CDK14: variants seen among roughly 807,000 people sequenced by gnomAD.
The protein encoded by CDK14 is cyclin-dependent kinase 14.
A neutral mutation model predicts 60.7 loss-of-function variants in CDK14; 34 were observed. That is an observed-to-expected ratio of 0.56 (90% CI 0.43 to 0.75). The LOEUF is 0.75. Among genes scored for constraint, CDK14 ranks in the 30% least tolerant of loss-of-function variants. The pLI is 0.00. For synonymous variants in CDK14, 197 were observed against 203.7 expected (o/e 0.97, Z 0.28); for missense variants, 482 against 564.1 (o/e 0.85, Z 1.47).
At chr7:90,760,792 G>A (rs1804282963) in intron 4 of CDK14, among the ~76,000 whole-genome samples, 1 of 152,192 alleles carries the variant, frequency 6.6e-6, no homozygotes, top group Admixed American at 6.5e-5. Context: ...AGCTAACAGA[G>A]TAAATGCAGT....
intron 8 of CDK14, among the ~76,000 whole-genome samples, chr7:90,943,880 G>T (rs1007846936): frequency 6.6e-6 from 1 of 152,128 alleles, no homozygotes; most frequent in African/African-American, 2.4e-5. Context: ...TTGGAAATTT[G>T]GTCCCTAGTG....
intron 10 of CDK14, among the ~76,000 whole-genome samples, chr7:91,007,722 A>G (rs1796020249): frequency 6.6e-6 from 1 of 152,154 alleles, no homozygotes; most frequent in African/African-American, 2.4e-5. Flanking sequence ...GCTGTCAGTA[A>G]ACTGTTCTTT....
At chr7:90,936,038 T>C (rs1584142247) in intron 8 of CDK14, among the ~76,000 whole-genome samples, 1 of 146,516 alleles carries the variant, frequency 6.8e-6, no homozygotes, top group Admixed American at 6.9e-5. Context: ...CGAGACCCTG[T>C]CTTAAAAAAA....
intron 4 of CDK14, among the ~76,000 whole-genome samples, chr7:90,755,477 G>A (rs1804017715): frequency 1.3e-5 from 2 of 152,106 alleles, no homozygotes; most frequent in Non-Finnish European, 2.9e-5. Flanking sequence ...GGTTGCTAAG[G>A]AAGGGGGAAA....
At chr7:90,655,064 T>C (rs1800723634) in intron 2 of CDK14, among the ~76,000 whole-genome samples, 1 of 151,882 alleles carries the variant, frequency 6.6e-6, no homozygotes, top group Admixed American at 6.6e-5. Context: ...CCAGATGTTA[T>C]ATGGTTGAAG....
intron 10 of CDK14, among the ~76,000 whole-genome samples, chr7:91,005,505 AG>A (rs753675425): frequency 3.9e-5 from 6 of 152,218 alleles, no homozygotes; most frequent in Non-Finnish European, 8.8e-5. Flanking sequence ...AAAATTTCAA[AG>A]GCTTTATTTT....
At chr7:91,179,670 G>A (rs1392621390) in intron 14 of CDK14, among the ~76,000 whole-genome samples, 3 of 151,984 alleles carry the variant, frequency 2.0e-5, no homozygotes, top group African/African-American at 4.8e-5. Flanking sequence ...GGGCGTGGTG[G>A]CGGGCGCCTG....
chr7:90,687,849 C>T (rs1032603106), intron 2 of CDK14, among the ~76,000 whole-genome samples: 2 of 152,072 alleles, frequency 1.3e-5, no homozygotes, highest in Non-Finnish European at 2.9e-5. Flanking sequence ...CTGAGGTACC[C>T]TGATAAATAA....
intron 14 of CDK14, among the ~76,000 whole-genome samples, chr7:91,138,525 A>T (rs1800353135): frequency 6.6e-6 from 1 of 152,200 alleles, no homozygotes; most frequent in Non-Finnish European, 1.5e-5. Context: ...GACAGTCTCA[A>T]GGGTGAAAAA....
intron 5 of CDK14, among the ~76,000 whole-genome samples, chr7:90,805,712 T>A (rs2117019604): frequency 6.6e-6 from 1 of 152,226 alleles, no homozygotes; most frequent in Admixed American, 6.5e-5. Flanking sequence ...CACCCCAAAT[T>A]TCTCTATTGA....
intron 7 of CDK14, among the ~76,000 whole-genome samples, chr7:90,901,647 A>G (rs1240132796): frequency 6.7e-6 from 1 of 149,334 alleles, no homozygotes; most frequent in African/African-American, 2.5e-5. Context: ...TTTATTCTGC[A>G]GTAGAGTCAC....
At chr7:90,744,803 GC>G (rs1457571201) in intron 3 of CDK14, among the ~76,000 whole-genome samples, 3 of 110,836 alleles carry the variant, frequency 2.7e-5, no homozygotes, top group African/African-American at 1.0e-4. Flanking sequence ...GGGGCGGCTG[GC>G]CGGGCGGGGG....
At chr7:91,076,813 C>A (rs867392454) in intron 11 of CDK14, among the ~76,000 whole-genome samples, 1 of 152,090 alleles carries the variant, frequency 6.6e-6, no homozygotes, top group Non-Finnish European at 1.5e-5. Context: ...AAGGAAAAAA[C>A]AACCCCATCA....
chr7:90,654,646 T>G (rs1476714594), intron 2 of CDK14, among the ~76,000 whole-genome samples: 1 of 152,176 alleles, frequency 6.6e-6, no homozygotes, highest in Non-Finnish European at 1.5e-5. Flanking sequence ...TGTCAGTTTT[T>G]TAAAAAAATT....
intron 8 of CDK14, among the ~76,000 whole-genome samples, chr7:90,944,519 G>T (rs1448933909): frequency 6.6e-6 from 1 of 152,160 alleles, no homozygotes; most frequent in African/African-American, 2.4e-5. Flanking sequence ...GACCACTTGA[G>T]CCCAGGAGTT....
chr7:90,727,723 T>C (rs1802693660), intron 3 of CDK14, among the ~76,000 whole-genome samples: 1 of 152,126 alleles, frequency 6.6e-6, no homozygotes, highest in African/African-American at 2.4e-5. Flanking sequence ...GTAAAATGCC[T>C]CCAAAACAAA....
intron 2 of CDK14, among the ~76,000 whole-genome samples, chr7:90,644,509 A>G (rs1310916961): frequency 3.9e-5 from 6 of 152,170 alleles, no homozygotes; most frequent in Admixed American, 1.3e-4. Context: ...TATGTAATTC[A>G]TTTATATATT....
intron 14 of CDK14, among the ~76,000 whole-genome samples, chr7:91,179,417 G>A (rs1455473127): frequency 1.3e-5 from 2 of 151,272 alleles, no homozygotes; most frequent in African/African-American, 4.9e-5. Context: ...TGACGAGTTA[G>A]TGGGTGCAGC....
At chr7:91,159,161 C>T (rs141188026) in intron 14 of CDK14, among the ~76,000 whole-genome samples, 1 of 152,288 alleles carries the variant, frequency 6.6e-6, no homozygotes, top group East Asian at 1.9e-4. Context: ...AAACAGAGAA[C>T]ATGCTGGCTT....
Sources: gnomAD v4.1 joint callset for allele counts (sites outside exome capture counted in the v4.1 genomes callset) on GRCh38, gnomAD v4.1.1 for gene constraint, MANE v1.5 for transcripts, NCBI Gene and HGNC (gene_info 2026-07-23, HGNC 2026-07-21) for gene names.